The following SRP68 variants were observed in gnomAD, a reference collection of about 807,000 sequenced individuals.
The protein encoded by SRP68 is signal recognition particle subunit SRP68.
Under a neutral mutation model 82.2 loss-of-function variants are expected in SRP68, and 15 were observed. That is an observed-to-expected ratio of 0.18 (90% confidence interval 0.12 to 0.28). The LOEUF is 0.28. Among genes scored for constraint, SRP68 ranks in the 10% least tolerant of loss-of-function variants. The pLI is 1.00. For missense variants in SRP68, 595 were observed against 780.5 expected (o/e 0.76, Z 2.83); for synonymous variants, 261 against 292.6 (o/e 0.89, Z 1.10).
chr17:76,063,060 A>G (rs145922837), intron 4 of SRP68, among the ~76,000 whole-genome samples: 5,312 of 151,544 alleles, frequency 0.035, 105 homozygotes, highest in Middle Eastern at 0.062. Context: ...GTGAGCCACC[A>G]CGCCCGGCCT....
Position 76,040,435 on chromosome 17 carries a change from T to G in SRP68, c.1640A>C (p.Gln547Pro). 2 of 1,614,136 alleles carry G rather than the reference T, an allele frequency of 1.2e-6. No individual in the cohort carries two copies. The highest frequency in any genetic ancestry group is 1.7e-6 in the Non-Finnish European group (2 of 1,179,964). The part of the protein sequence containing the change: ...DAHQTETSSS[Q>P]VKDNKPLVER... Reference sequence around the variant, plus strand: ...CAGACTTACCTTATTGTCCTTGACTTGGGAGGAGGAGGTCTCTGTTTGATG... The same window carrying G: ...CAGACTTACCTTATTGTCCTTGACTGGGGAGGAGGAGGTCTCTGTTTGATG... Residue 547 changes from glutamine to proline, a missense_variant, in exon 15 of 16, where the codon CAA becomes CCA. Gln to Pro is a moderately conservative substitution (Grantham distance 76). Around this residue, in one of 2 missense-constraint regions of SRP68, gnomAD observed 495 missense variants for 688.6 expected, o/e 0.72. Coordinates refer to ENST00000307877, the MANE Select transcript of SRP68 (RefSeq NM_014230.4).
In SRP68 at chr17:76,039,221, T is replaced by C; in HGVS notation, c.*485A>G. On this transcript the variant is annotated 3_prime_UTR_variant, in exon 16 of 16. Transcript: ENST00000307877. Reference sequence around the variant, plus strand: ...AAACTTCTTAGCGTTCACTGGGAGGTGAAGGGGAATAAGGCTGACCGTAAT... The same window carrying C: ...AAACTTCTTAGCGTTCACTGGGAGGCGAAGGGGAATAAGGCTGACCGTAAT... 1 of 373,360 alleles carries C rather than the reference T, an allele frequency of 2.7e-6. No individual in the cohort carries two copies. The highest frequency in any genetic ancestry group is 1.9e-5 in the South Asian group (1 of 51,668). 23.1% of individuals were successfully genotyped at this position (373,360 alleles called of 1,614,324 possible).
chr17:76,068,890 A>G (rs2066827103), intron 2 of SRP68, among the ~76,000 whole-genome samples: 1 of 152,092 alleles, frequency 6.6e-6, no homozygotes, highest in Non-Finnish European at 1.5e-5. Context: ...GGCATGTGCC[A>G]CCATTCCAGC....
At chr17:76,066,606 G>GTTTT (rs552112903) in intron 3 of SRP68, among the ~76,000 whole-genome samples, 1 of 124,068 alleles carries the variant, frequency 8.1e-6, no homozygotes, top group African/African-American at 2.9e-5. Flanking sequence ...ATCCCAACAG[G>GTTTT]TTTTTTTTTT....
intron 13 of SRP68, among the ~76,000 whole-genome samples, chr17:76,042,153 G>A (rs1002065543): frequency 6.6e-6 from 1 of 151,946 alleles, no homozygotes; most frequent in Non-Finnish European, 1.5e-5. Flanking sequence ...CACAGTGCTG[G>A]GATTACAGGC....
intron 7 of SRP68, among the ~76,000 whole-genome samples, chr17:76,059,007 A>C (rs954203146): frequency 2.0e-5 from 3 of 152,220 alleles, no homozygotes; most frequent in African/African-American, 7.2e-5. Context: ...TGGGAGGCTA[A>C]GGCGAACAGA....
At chr17:76,065,151 TATC>T (rs1239993453) in intron 3 of SRP68, among the ~76,000 whole-genome samples, 1 of 152,088 alleles carries the variant, frequency 6.6e-6, no homozygotes, top group African/African-American at 2.4e-5. Context: ...AGGATCTTGC[TATC>T]ATAAGATAGT....
chr17:76,066,345 C>G (rs1050925180), intron 3 of SRP68, among the ~76,000 whole-genome samples: 8 of 151,436 alleles, frequency 5.3e-5, no homozygotes, highest in Non-Finnish European at 7.4e-5. Flanking sequence ...CCAGCTACTC[C>G]GGAGGCTGAG....
intron 13 of SRP68, among the ~76,000 whole-genome samples, chr17:76,042,773 C>T (rs2066601478): frequency 6.6e-6 from 1 of 151,812 alleles, no homozygotes; most frequent in South Asian, 2.1e-4. Context: ...TTTGTAGAGA[C>T]AGAGTTTCGC....
At chr17:76,039,958 A>G in intron 15 of SRP68, 25 bp from the exon 16 acceptor site, 1 of 1,610,222 alleles carries the variant, frequency 6.2e-7, no homozygotes, top group Non-Finnish European at 8.5e-7. Context: ...AAAGAGACGT[A>G]TGTAGCATCG....
chr17:76,040,076 G>A, intron 15 of SRP68, 143 bp from the exon 16 acceptor site: 1 of 803,810 alleles, frequency 1.2e-6, no homozygotes, highest in Non-Finnish European at 2.0e-6. Context: ...CCTACGAGGA[G>A]GGGCTACCAC....
rs1401684527 is a variant in SRP68, at chr17:76,062,753, AT to A, written c.562-1180del. Reference sequence around the variant, plus strand: ...TTTATATATATATATATATATATATATATATATATATAAAATATATATATAT... The same window carrying A: ...TTTATATATATATATATATATATATAATATATATATAAAATATATATATAT... On this transcript the variant is annotated intron_variant, in intron 4 of 15. Transcript: ENST00000307877. 5.1e-4 allele frequency among the ~76,000 whole-genome samples: 39 copies of A among 77,200 alleles called. 1 individual carries two copies. The highest frequency in any genetic ancestry group is 7.6e-4 in the Non-Finnish European group (33 of 43,566). The allele number at this position is 77,200 out of a possible 152,430, so 50.6% of individuals were successfully genotyped here. A position where few individuals can be genotyped will look rare whatever the true frequency, so the allele number is the denominator to read the frequency against.
rs143358764 is a variant in SRP68 at position 76,039,599 on chromosome 17, G to A, written c.*107C>T. ...GCAGGGCCGAAGATGTTAAACTCTT[G>A]CCCCGGGCCAATGCAGACCTGGATT... On this transcript the variant is annotated 3_prime_UTR_variant, in exon 16 of 16. Coordinates refer to ENST00000307877, the MANE Select transcript of SRP68 (RefSeq NM_014230.4). 7 of 1,089,810 alleles carry A rather than the reference G, an allele frequency of 6.4e-6. No homozygotes were observed. In the African/African-American group the frequency reaches 9.4e-5, roughly 15 times the overall value. The allele number at this position is 1,089,810 out of a possible 1,614,324, so 67.5% of individuals were successfully genotyped here.
chr17:76,060,501 A>T, intron 6 of SRP68, 111 bp from the exon 7 acceptor site: 1 of 695,576 alleles, frequency 1.4e-6, no homozygotes, highest in South Asian at 1.7e-5. Context: ...TACTTCAATG[A>T]ATCTGCAGCA....
Position 76,050,392 on chromosome 17 carries a change from C to G in SRP68, c.1077+36G>C, listed in dbSNP as rs1406561171. On this transcript the variant is annotated intron_variant, in intron 9 of 15. Transcript: ENST00000307877. ...GGGACACAGGCTGACCTGGACCCGC[C>G]CAGAGCAAGAACCAGGGCTCGGCTG... is the stretch of plus-strand genomic sequence containing the variant. The G allele has an allele frequency of 1.7e-5, 25 of 1,511,366 alleles. No individual in the cohort carries two copies. The East Asian group carries it at 5.4e-4, about 33-fold the overall frequency. The allele number at this position is 1,511,366 out of a possible 1,614,324, so 93.6% of individuals were successfully genotyped here.
rs780927130 is a variant in SRP68, at chr17:76,072,416, C to T, written c.76G>A (p.Gly26Ser). The T allele has an allele frequency of 1.9e-6, 3 of 1,585,052 alleles. No homozygotes were observed. Among genetic ancestry groups the T allele is most frequent in the South Asian group, 1.1e-5 (1 of 90,538 alleles). The part of the protein sequence containing the change: ...SGGGGGSGGG[G>S]SGGGRGAGGE... ...CCGGCACCACGTCCACCGCCGCTAC[C>T]GCCGCCGCCACTGCCACCGCCGCCG... The change falls in exon 1 of 16, where the codon GGT (glycine) becomes AGT (serine). Residue 26 changes from glycine to serine, a missense_variant. Coordinates refer to ENST00000307877, the MANE Select transcript of SRP68 (RefSeq NM_014230.4). The surrounding 1 kb of genome is among the most constrained non-coding windows in gnomAD (Gnocchi z 4.5).
At chr17:76,066,103 G>A (rs967124748) in intron 3 of SRP68, among the ~76,000 whole-genome samples, 2 of 151,908 alleles carry the variant, frequency 1.3e-5, no homozygotes, top group African/African-American at 4.8e-5. Context: ...AAATTCTTCA[G>A]CAAATGCCAA....
At chr17:76,061,748 C>T (rs993815213) in intron 4 of SRP68, 174 bp from the exon 5 acceptor site, 9 of 487,850 alleles carry the variant, frequency 1.8e-5, no homozygotes, top group Non-Finnish European at 2.2e-5. Flanking sequence ...ATCACTTGAA[C>T]CCACAGTTGA....
At chr17:76,058,721 A>C (rs940013399) in intron 7 of SRP68, among the ~76,000 whole-genome samples, 2 of 152,262 alleles carry the variant, frequency 1.3e-5, no homozygotes, top group Non-Finnish European at 2.9e-5. Flanking sequence ...CAGGAATGCT[A>C]ATCAGTAGAA....
Sources: allele counts gnomAD v4.1 joint callset (sites outside exome capture counted in the v4.1 genomes callset), GRCh38; gene constraint gnomAD v4.1.1; regional missense constraint gnomAD v4.1.1; non-coding constraint Gnocchi (gnomAD v3.1); transcripts MANE v1.5; gene names NCBI Gene and HGNC (gene_info 2026-07-23, HGNC 2026-07-21).